DLGAP1: variants seen among roughly 807,000 people sequenced by gnomAD.
DLGAP1 encodes the protein DLG associated protein 1, also known as disks large-associated protein 1.
Under a neutral mutation model 90.8 loss-of-function variants are expected in DLGAP1, and 11 were observed. The observed-to-expected ratio is 0.12, with a 90% CI of 0.08 to 0.20. The LOEUF (loss-of-function observed/expected upper bound fraction) is 0.20. DLGAP1 is among the 10% of genes least tolerant of loss of function. The pLI is 1.00. For missense variants in DLGAP1, 1,050 were observed against 1,333.8 expected, an observed-to-expected ratio of 0.79 and a Z score of 3.31; for synonymous variants, 558 against 540.7, an observed-to-expected ratio of 1.03 and a Z score of -0.44.
chr18:3,508,422 T>C (rs1266663409), intron 11 of DLGAP1, 148 bp downstream of exon 11: 1 of 410,032 alleles, frequency 2.4e-6, no homozygotes, highest in Non-Finnish European at 4.3e-6. Flanking sequence ...GGAAATAAGA[T>C]TCATCAGAAA....
At chr18:3,522,364 T>G (rs1409419681) in intron 10 of DLGAP1, among the ~76,000 whole-genome samples, 1 of 151,922 alleles carries the variant, frequency 6.6e-6, no homozygotes, top group Admixed American at 6.6e-5. Context: ...CTCAAAGTCC[T>G]GACCTCAAGT....
At chr18:3,901,873 A>G (rs886728473) in intron 3 of DLGAP1, among the ~76,000 whole-genome samples, 1 of 152,188 alleles carries the variant, frequency 6.6e-6, no homozygotes, top group African/African-American at 2.4e-5. Flanking sequence ...TCTAATAGGA[A>G]TGCCTCAACC....
intron 2 of DLGAP1, among the ~76,000 whole-genome samples, chr18:4,100,023 AT>A: frequency 6.6e-6 from 1 of 151,956 alleles, no homozygotes; most frequent in Admixed American, 6.5e-5. Context: ...TGGCTAATTT[AT>A]TTCACTTTTT....
At chr18:4,353,100 G>A (rs1567854966) in intron 1 of DLGAP1, among the ~76,000 whole-genome samples, 1 of 152,146 alleles carries the variant, frequency 6.6e-6, no homozygotes, top group East Asian at 1.9e-4. Flanking sequence ...AAGATCTACC[G>A]TAAGTCAGGA....
At chr18:4,006,575 C>T (rs1795131800) in intron 2 of DLGAP1, among the ~76,000 whole-genome samples, 1 of 151,730 alleles carries the variant, frequency 6.6e-6, no homozygotes, top group Admixed American at 6.6e-5. Context: ...TCGCAAGCAG[C>T]CTAACTTATC....
intron 4 of DLGAP1, 124 bp from the exon 5 acceptor site, chr18:3,814,397 TG>T: frequency 1.1e-6 from 1 of 928,634 alleles, no homozygotes; most frequent in Non-Finnish European, 1.5e-6. Flanking sequence ...GGTCTTGCTT[TG>T]TCGCCCAGAC....
rs181073179 is a variant in DLGAP1, at chr18:4,066,138, T to G, written c.-158-60937A>C. ...GAAGACTAAAACTGAACCTCTTCCT[T>G]ACACTATACACAAAAATCAACTCAA... is the stretch of plus-strand genomic sequence containing the variant. On this transcript the variant is annotated intron_variant, in intron 2 of 12. Transcript: ENST00000315677. Among the ~76,000 whole-genome samples, 91 of 152,238 alleles carry G rather than the reference T, an allele frequency of 6.0e-4. 2 individuals are homozygous for G. Among genetic ancestry groups the G allele is most frequent in the African/African-American group, 2.1e-3 (87 of 41,558 alleles).
chr18:4,260,437 C>G (rs966605135), intron 1 of DLGAP1, among the ~76,000 whole-genome samples: 1 of 152,152 alleles, frequency 6.6e-6, no homozygotes, highest in African/African-American at 2.4e-5. Flanking sequence ...TTAATATAAG[C>G]ATTTACAAGA....
At chr18:3,981,342 G>A (rs942198074) in intron 3 of DLGAP1, among the ~76,000 whole-genome samples, 6 of 152,258 alleles carry the variant, frequency 3.9e-5, no homozygotes, top group African/African-American at 1.4e-4. Flanking sequence ...CACACGTGAA[G>A]TAGGAGTATC....
At chr18:3,825,691 C>T (rs59929112) in intron 4 of DLGAP1, among the ~76,000 whole-genome samples, 6,776 of 151,994 alleles carry the variant, frequency 0.045, 156 homozygotes, top group Non-Finnish European at 0.053. Flanking sequence ...CTGGGGATAC[C>T]GCAATTCACA....
intron 2 of DLGAP1, among the ~76,000 whole-genome samples, chr18:4,042,409 G>C (rs1272669733): frequency 1.3e-5 from 2 of 152,138 alleles, no homozygotes; most frequent in African/African-American, 4.8e-5. Flanking sequence ...GTATCTGCAA[G>C]ACTAGAATTC....
intron 3 of DLGAP1, among the ~76,000 whole-genome samples, chr18:3,922,544 T>C (rs1347744545): frequency 6.6e-6 from 1 of 152,254 alleles, no homozygotes. Flanking sequence ...ACTTGTTTTC[T>C]TCACTTAATA....
At chr18:3,978,208 GT>G in intron 3 of DLGAP1, 1 of 427,696 alleles carries the variant, frequency 2.3e-6, no homozygotes, top group Non-Finnish European at 4.6e-6. Flanking sequence ...TCTTGAGGCT[GT>G]TTTCATACTT....
chr18:4,307,149 T>A (rs1279921047), intron 1 of DLGAP1, among the ~76,000 whole-genome samples: 1 of 152,214 alleles, frequency 6.6e-6, no homozygotes, highest in African/African-American at 2.4e-5. Flanking sequence ...TAATGTGCTA[T>A]AGGAGAGGGC....
intron 1 of DLGAP1, among the ~76,000 whole-genome samples, chr18:4,401,748 T>G (rs2082559190): frequency 6.6e-6 from 1 of 152,242 alleles, no homozygotes; most frequent in African/African-American, 2.4e-5. Flanking sequence ...TTTTTAAACT[T>G]GGTATTACAA....
At chr18:3,765,117 C>CTTTTTTTTTTTTTTTTTT (rs921982904) in intron 5 of DLGAP1, among the ~76,000 whole-genome samples, 3 of 126,412 alleles carry the variant, frequency 2.4e-5, no homozygotes, top group Middle Eastern at 3.9e-3. Flanking sequence ...CACTTGCAAA[C>CTTTTTTTTTTTTTTTTTT]TTTTTTTTTT....
At position 3,757,370 on chromosome 18, in the gene DLGAP1, T is replaced by C. The variant is rs371002661; in HGVS notation, c.1173-14858A>G. On this transcript the variant is annotated intron_variant, in intron 5 of 12. Transcript: ENST00000315677. ...GTTGCAGTGAGCCAAGACTGTGCCA[T>C]TGCACTCCAGCCTGGGTGACAGAGC... Among the ~76,000 whole-genome samples, 23 of 152,160 alleles carry C rather than the reference T, an allele frequency of 1.5e-4. No individual in the cohort carries two copies. In the South Asian group the frequency reaches 2.9e-3, roughly 19 times the overall value.
At chr18:4,337,338 T>C in intron 1 of DLGAP1, among the ~76,000 whole-genome samples, 1 of 149,586 alleles carries the variant, frequency 6.7e-6, no homozygotes, top group Non-Finnish European at 1.5e-5. Context: ...GGACTACAGG[T>C]GCATGCCACC....
intron 5 of DLGAP1, among the ~76,000 whole-genome samples, chr18:3,781,041 C>T (rs7232671): frequency 0.29 from 44,377 of 151,936 alleles, 6,546 homozygotes; most frequent in Admixed American, 0.32. Flanking sequence ...TTTCCCAGGC[C>T]GGTCTTGAAC....
Sources: gnomAD v4.1 joint callset for allele counts (sites outside exome capture counted in the v4.1 genomes callset) on GRCh38, gnomAD v4.1.1 for gene constraint, MANE v1.5 for transcripts, NCBI Gene and HGNC (gene_info 2026-07-23, HGNC 2026-07-21) for gene names.